The following PRKAG2 variants were observed in gnomAD, a reference collection of about 807,000 sequenced individuals.
PRKAG2 encodes the protein protein kinase AMP-activated non-catalytic subunit gamma 2.
PRKAG2 carries 26 observed loss-of-function variants against 69.6 expected under a neutral mutation model. The observed-to-expected ratio is 0.37, with a 90% CI of 0.27 to 0.52. The LOEUF (loss-of-function observed/expected upper bound fraction) is 0.52, where lower values mean the gene tolerates loss of function less well. PRKAG2 is among the 20% of genes least tolerant of loss of function. PRKAG2 has a pLI of 0.90. For missense variants in PRKAG2, 557 were observed against 740.0 expected (o/e 0.75, Z 2.87); for synonymous variants, 293 against 285.0 (o/e 1.03, Z -0.28).
At chr7:151,773,833 C>T (rs1052024242) in intron 3 of PRKAG2, among the ~76,000 whole-genome samples, 3 of 152,172 alleles carry the variant, frequency 2.0e-5, no homozygotes, top group African/African-American at 4.8e-5. Context: ...CACTCAGCCA[C>T]GTAATAATTC....
At chr7:151,733,551 G>GTTCTGGTTTAA (rs796933355) in intron 3 of PRKAG2, among the ~76,000 whole-genome samples, 27 of 152,208 alleles carry the variant, frequency 1.8e-4, no homozygotes, top group African/African-American at 6.5e-4. Context: ...TTAATAATAG[G>GTTCTGGTTTAA]TTCTGGTTTA....
rs542669025 is a variant in PRKAG2, at chr7:151,777,387, C to A, written c.466+3765G>T. Among the ~76,000 whole-genome samples the A allele has an allele frequency of 5.9e-5, 9 of 152,246 alleles. No individual in the cohort carries two copies. Among genetic ancestry groups the A allele is most frequent in the African/African-American group, 2.2e-4 (9 of 41,538 alleles). ...CCCGCTCTCAGGTTGAAATTGGATCCCCGGTGTTGGAGGTGGGGCCCCGTG... is the reference window on the plus strand; with the variant it reads ...CCCGCTCTCAGGTTGAAATTGGATCACCGGTGTTGGAGGTGGGGCCCCGTG... On this transcript the variant is annotated intron_variant, in intron 3 of 15. Transcript: ENST00000287878. The surrounding 1 kb of genome is among the most constrained non-coding windows in gnomAD (Gnocchi z 4.3).
intron 4 of PRKAG2, among the ~76,000 whole-genome samples, chr7:151,648,982 G>A (rs955992222): frequency 3.9e-5 from 6 of 152,028 alleles, no homozygotes; most frequent in Admixed American, 2.6e-4. Flanking sequence ...CCTCTTGACC[G>A]AAAGACGTAG....
intron 4 of PRKAG2, among the ~76,000 whole-genome samples, chr7:151,639,015 A>G (rs73479887): frequency 0.15 from 22,324 of 152,146 alleles, 1,955 homozygotes; most frequent in African/African-American, 0.23. Context: ...GGAGCTGCAC[A>G]TGCACTCTGC....
At chr7:151,674,610 G>A (rs765175432) in intron 4 of PRKAG2, among the ~76,000 whole-genome samples, 1 of 152,168 alleles carries the variant, frequency 6.6e-6, no homozygotes, top group Non-Finnish European at 1.5e-5. Context: ...GAGATTCGCT[G>A]CCTCGGTCTC....
intron 3 of PRKAG2, among the ~76,000 whole-genome samples, chr7:151,718,850 C>T (rs1796415323): frequency 6.6e-6 from 1 of 152,090 alleles, no homozygotes; most frequent in South Asian, 2.1e-4. Context: ...GCAGGTCTGC[C>T]CACCTCCCCT....
intron 7 of PRKAG2, 97 bp from the exon 8 acceptor site, chr7:151,575,046 A>C: frequency 6.6e-7 from 1 of 1,505,448 alleles, no homozygotes; most frequent in Non-Finnish European, 9.0e-7. Context: ...AGAAGAGCTT[A>C]TAAAATATAC....
At chr7:151,619,838 T>C (rs1821037360) in intron 5 of PRKAG2, among the ~76,000 whole-genome samples, 2 of 152,064 alleles carry the variant, frequency 1.3e-5, no homozygotes, top group Admixed American at 1.3e-4. Context: ...CTGGCCAACA[T>C]GGCGAAACCC....
chr7:151,656,051 A>T (rs776587239), intron 4 of PRKAG2, among the ~76,000 whole-genome samples: 1 of 152,062 alleles, frequency 6.6e-6, no homozygotes, highest in Non-Finnish European at 1.5e-5. Context: ...GTAAACAAAA[A>T]CTCAGTCTAA....
At chr7:151,615,119 C>T (rs934978669) in intron 5 of PRKAG2, among the ~76,000 whole-genome samples, 1 of 152,168 alleles carries the variant, frequency 6.6e-6, no homozygotes. Flanking sequence ...GAGAGAACCC[C>T]GAGAAAGGAG....
Position 151,845,004 on chromosome 7 carries a change from T to C in PRKAG2, c.114+31503A>G, listed in dbSNP as rs542505993. Among the ~76,000 whole-genome samples the C allele has an allele frequency of 3.9e-5, 6 of 152,158 alleles. No individual in the cohort carries two copies. The East Asian group carries it at 1.2e-3, about 29-fold the overall frequency. On this transcript the variant is annotated intron_variant, in intron 1 of 15. Transcript: ENST00000287878. ...TCTCGGTGCTGTTGAAAAGAGTGTA[T>C]GCGGAGCTCCAGGGATGGCGGCAGG...
intron 1 of PRKAG2, among the ~76,000 whole-genome samples, chr7:151,849,874 A>G (rs2079528988): frequency 6.6e-6 from 1 of 152,122 alleles, no homozygotes; most frequent in Admixed American, 6.5e-5. Context: ...ACAAGGTCAC[A>G]TTTACAGGTG....
chr7:151,576,311 T>C, intron 7 of PRKAG2, 60 bp downstream of exon 7: 1 of 1,399,944 alleles, frequency 7.1e-7, no homozygotes, highest in South Asian at 1.2e-5. Context: ...ATTAAAATAC[T>C]TTAGGCTTTC....
chr7:151,839,882 A>G (rs2151884695), intron 1 of PRKAG2, among the ~76,000 whole-genome samples: 1 of 152,174 alleles, frequency 6.6e-6, no homozygotes, highest in South Asian at 2.1e-4. Flanking sequence ...GAGGAAGCTG[A>G]GCAGGGCGGC....
intron 1 of PRKAG2, among the ~76,000 whole-genome samples, chr7:151,833,063 C>T (rs79645059): frequency 0.071 from 10,862 of 152,238 alleles, 822 homozygotes; most frequent in East Asian, 0.38. Flanking sequence ...AGACAGACAG[C>T]GTCCATCACG....
In PRKAG2 at chr7:151,621,294, G is replaced by T. The variant is rs115402488; in HGVS notation, c.754+10775C>A. 1.8e-3 allele frequency among the ~76,000 whole-genome samples: 274 copies of T among 152,280 alleles called. 2 individuals are homozygous for T. The highest frequency in any genetic ancestry group is 0.017 in the Middle Eastern group (5 of 294). ...ATAAGGCATTAACTGTTCCTGAAAA[G>T]TTTTACAGAATTCATCCATAAACAG... On this transcript the variant is annotated intron_variant, in intron 5 of 15. Transcript: ENST00000287878.
chr7:151,602,330 AG>A (rs1563229687), intron 5 of PRKAG2, among the ~76,000 whole-genome samples: 2 of 152,248 alleles, frequency 1.3e-5, no homozygotes, highest in Admixed American at 1.3e-4. Flanking sequence ...AGGAAATCTC[AG>A]AAGATAATTT....
intron 3 of PRKAG2, among the ~76,000 whole-genome samples, chr7:151,712,166 G>GC (rs1225576117): frequency 6.6e-6 from 1 of 152,208 alleles, no homozygotes; most frequent in African/African-American, 2.4e-5. Flanking sequence ...GCTCAGTGTG[G>GC]CCCCCACCCT....
At position 151,807,721 on chromosome 7, in the gene PRKAG2, C is replaced by G. The variant is rs2078188015; in HGVS notation, c.115-21180G>C. On this transcript the variant is annotated intron_variant, in intron 1 of 15. Coordinates refer to ENST00000287878, the MANE Select transcript of PRKAG2 (RefSeq NM_016203.4). This position sits in a 1 kb window ranked among gnomAD's most constrained non-coding sequence, Gnocchi z 4.4. ...GGGCCCCTCACTTGGGTCAAGGCAG[C>G]ATTTCAGAGGAAGCCAGGAGCGAGA... 4.9e-6 allele frequency: 2 copies of G among 406,248 alleles called. No homozygotes were observed. The highest frequency in any genetic ancestry group is 1.4e-4 in the East Asian group (2 of 13,840). The allele number at this position is 406,248 out of a possible 1,614,324, so 25.2% of individuals were successfully genotyped here.
Sources: gnomAD v4.1 joint callset for allele counts (sites outside exome capture counted in the v4.1 genomes callset) on GRCh38, gnomAD v4.1.1 for gene constraint, Gnocchi (gnomAD v3.1) non-coding constraint, MANE v1.5 for transcripts, NCBI Gene and HGNC (gene_info 2026-07-23, HGNC 2026-07-21) for gene names.